PTPRK: variants seen among roughly 807,000 people sequenced by gnomAD.
The protein encoded by PTPRK is protein tyrosine phosphatase receptor type K, also known as receptor-type tyrosine-protein phosphatase kappa.
Under a neutral mutation model 178.0 loss-of-function variants are expected in PTPRK, and 75 were observed. That is an observed-to-expected ratio of 0.42 (90% confidence interval 0.35 to 0.51). PTPRK has a LOEUF of 0.51. PTPRK is among the 20% of genes least tolerant of loss of function. The probability of loss-of-function intolerance (pLI) is 0.02; values close to 1 mark genes in which losing one functional copy is unlikely to be tolerated. For synonymous variants in PTPRK, 637 were observed against 620.6 expected (o/e 1.03, Z -0.39); for missense variants, 1,441 against 1,797.8 (o/e 0.80, Z 3.59).
chr6:128,144,038 T>G (rs1458179558), intron 7 of PTPRK, among the ~76,000 whole-genome samples: 1 of 152,138 alleles, frequency 6.6e-6, no homozygotes, highest in Non-Finnish European at 1.5e-5. Flanking sequence ...TTCATCCCAT[T>G]CTCACTTTTA....
intron 7 of PTPRK, among the ~76,000 whole-genome samples, chr6:128,093,733 G>A (rs1787444564): frequency 6.6e-6 from 1 of 150,580 alleles, no homozygotes; most frequent in Non-Finnish European, 1.5e-5. Context: ...TTTAGATCAA[G>A]TCATCCATCT....
chr6:128,397,606 A>G lies in PTPRK; in HGVS notation c.183T>C (p.Ser61=), dbSNP rs1840488653. 3 of 1,613,932 alleles carry G rather than the reference A, an allele frequency of 1.9e-6. No homozygotes were observed. Among genetic ancestry groups the G allele is most frequent in the Non-Finnish European group, 2.5e-6 (3 of 1,179,952 alleles). The stretch of plus-strand genomic sequence containing the variant: ...GTGGTAGATAATGAGGCTCTTGAGC[A>G]CTAACATGCACCCATTCAAAGTCAT... The part of the protein sequence containing the change: ...LYDDFEWVHV[S]AQEPHYLPPE... The change falls in exon 2 of 30, where the codon AGT becomes AGC. Residue 61 remains serine (S), a synonymous_variant. Transcript: ENST00000368226.
chr6:128,339,164 C>T (rs1340078009), intron 2 of PTPRK, among the ~76,000 whole-genome samples: 1 of 152,008 alleles, frequency 6.6e-6, no homozygotes, highest in African/African-American at 2.4e-5. Context: ...TAAAATACTA[C>T]AGAGGACAAG....
At chr6:128,311,408 C>A (rs1014621682) in intron 3 of PTPRK, among the ~76,000 whole-genome samples, 1 of 152,096 alleles carries the variant, frequency 6.6e-6, no homozygotes, top group Admixed American at 6.6e-5. Context: ...GGTCCAAGCA[C>A]CGAGGAGTCA....
At chr6:128,093,520 T>C (rs991911647) in intron 7 of PTPRK, among the ~76,000 whole-genome samples, 1 of 130,226 alleles carries the variant, frequency 7.7e-6, no homozygotes, top group Non-Finnish European at 1.5e-5. Flanking sequence ...ACTTGAACCC[T>C]GGAGGCAGAG....
chr6:128,255,431 T>C (rs73594611), intron 3 of PTPRK, among the ~76,000 whole-genome samples: 1,575 of 152,240 alleles, frequency 0.01, 22 homozygotes, highest in African/African-American at 0.036. Flanking sequence ...CACTAGACAT[T>C]ATAATGACCA....
intron 1 of PTPRK, among the ~76,000 whole-genome samples, chr6:128,482,090 G>C (rs545216429): frequency 5.3e-5 from 8 of 152,036 alleles, no homozygotes; most frequent in African/African-American, 1.9e-4. Flanking sequence ...TTTCTTTTTG[G>C]TTGTTTGTTT....
At chr6:128,026,565 T>C (rs1367202863) in intron 13 of PTPRK, among the ~76,000 whole-genome samples, 1 of 152,174 alleles carries the variant, frequency 6.6e-6, no homozygotes, top group Non-Finnish European at 1.5e-5. Flanking sequence ...TGAATATACA[T>C]TTAAAGTACC....
At chr6:128,129,413 T>A (rs1258353193) in intron 7 of PTPRK, among the ~76,000 whole-genome samples, 1 of 152,196 alleles carries the variant, frequency 6.6e-6, no homozygotes, top group South Asian at 2.1e-4. Flanking sequence ...TGCTAGACTT[T>A]TTTTCATTAG....
intron 3 of PTPRK, among the ~76,000 whole-genome samples, chr6:128,302,271 A>C (rs372897548): frequency 2.0e-5 from 3 of 151,956 alleles, no homozygotes; most frequent in South Asian, 4.2e-4. Context: ...GGGCGCCTGT[A>C]GTCCCAGCTA....
At chr6:128,104,293 C>G (rs1458931403) in intron 7 of PTPRK, among the ~76,000 whole-genome samples, 1 of 152,158 alleles carries the variant, frequency 6.6e-6, no homozygotes, top group Non-Finnish European at 1.5e-5. Flanking sequence ...GTGGTGCGAT[C>G]TCGGCTCACT....
chr6:128,273,330 C>T (rs943815595), intron 3 of PTPRK, among the ~76,000 whole-genome samples: 2 of 151,496 alleles, frequency 1.3e-5, no homozygotes, highest in Non-Finnish European at 2.9e-5. Context: ...GCACTTTGTG[C>T]ACATGTACCC....
chr6:128,152,456 T>C (rs990463939), intron 7 of PTPRK, among the ~76,000 whole-genome samples: 1 of 151,188 alleles, frequency 6.6e-6, no homozygotes, highest in Non-Finnish European at 1.5e-5. Flanking sequence ...CTGGAGTGAG[T>C]ACACTGGTGA....
At chr6:128,279,041 A>C (rs1401658664) in intron 3 of PTPRK, among the ~76,000 whole-genome samples, 1 of 152,224 alleles carries the variant, frequency 6.6e-6, no homozygotes, top group South Asian at 2.1e-4. Context: ...TTTAGTTCAC[A>C]AAGTGCTGTG....
chr6:128,228,651 C>T (rs1348872885), intron 5 of PTPRK, among the ~76,000 whole-genome samples: 2 of 88,518 alleles, frequency 2.3e-5, no homozygotes, highest in African/African-American at 9.3e-5. Context: ...CAGAGTGAGA[C>T]TCCATCTCAA....
intron 2 of PTPRK, among the ~76,000 whole-genome samples, chr6:128,333,295 T>A (rs1830503681): frequency 6.6e-6 from 1 of 152,182 alleles, no homozygotes. Flanking sequence ...GAACTGAAGG[T>A]CTAAAGAGAA....
At chr6:128,490,435 C>T (rs1423869381) in intron 1 of PTPRK, among the ~76,000 whole-genome samples, 1 of 152,154 alleles carries the variant, frequency 6.6e-6, no homozygotes, top group Non-Finnish European at 1.5e-5. Flanking sequence ...GAGTATTATA[C>T]ACTAGAACGC....
At chr6:128,225,783 GA>G (rs372368468) in intron 5 of PTPRK, among the ~76,000 whole-genome samples, 123 of 147,892 alleles carry the variant, frequency 8.3e-4, no homozygotes, top group Middle Eastern at 3.6e-3. Context: ...TGTTCTCCTA[GA>G]AAAAAAAAAT....
intron 2 of PTPRK, among the ~76,000 whole-genome samples, chr6:128,328,455 T>C (rs1829854971): frequency 6.6e-6 from 1 of 152,196 alleles, no homozygotes. Context: ...GTTCTAACTA[T>C]ATGTGAGATA....
Sources: allele counts gnomAD v4.1 joint callset (sites outside exome capture counted in the v4.1 genomes callset), GRCh38; gene constraint gnomAD v4.1.1; transcripts MANE v1.5; gene names NCBI Gene and HGNC (gene_info 2026-07-23, HGNC 2026-07-21).